The following ZNRF3 variants were observed in gnomAD, a reference collection of about 807,000 sequenced individuals.
The protein encoded by ZNRF3 is zinc and ring finger 3.
In ZNRF3, 23 loss-of-function variants were observed where a neutral mutation model predicts 72.5. That is an observed-to-expected ratio of 0.32 (90% CI 0.23 to 0.45). The LOEUF is 0.45. Ranked by LOEUF, ZNRF3 falls within the 20% of genes least tolerant of loss-of-function variation. The pLI, the probability that ZNRF3 is intolerant of heterozygous loss-of-function variation, is 1.00. For synonymous variants in ZNRF3, 610 were observed against 545.3 expected (o/e 1.12, Z -1.65); for missense variants, 1,169 against 1,272.1 (o/e 0.92, Z 1.23).
At chr22:28,970,293 A>T (rs1270406487) in intron 1 of ZNRF3, among the ~76,000 whole-genome samples, 1 of 152,234 alleles carries the variant, frequency 6.6e-6, no homozygotes, top group Non-Finnish European at 1.5e-5. Context: ...GGCATCAGTA[A>T]ATGCAAAATA....
At chr22:29,020,413 A>G (rs1487050029) in intron 2 of ZNRF3, among the ~76,000 whole-genome samples, 1 of 151,746 alleles carries the variant, frequency 6.6e-6, no homozygotes, top group African/African-American at 2.4e-5. Flanking sequence ...GGTGCATGCC[A>G]CCATGCCCAG....
intron 2 of ZNRF3, among the ~76,000 whole-genome samples, chr22:29,017,680 A>G (rs143255731): frequency 2.0e-5 from 3 of 152,186 alleles, no homozygotes; most frequent in Non-Finnish European, 4.4e-5. Context: ...GGAAGGGGTT[A>G]TGGTGGGAGG....
At chr22:28,908,642 C>T (rs2034257704) in intron 1 of ZNRF3, among the ~76,000 whole-genome samples, 1 of 152,168 alleles carries the variant, frequency 6.6e-6, no homozygotes, top group Non-Finnish European at 1.5e-5. Flanking sequence ...GAAGCAAAAT[C>T]CATTCTGCAT....
intron 1 of ZNRF3, among the ~76,000 whole-genome samples, chr22:28,945,906 G>A (rs2035045528): frequency 6.6e-6 from 1 of 152,146 alleles, no homozygotes; most frequent in South Asian, 2.1e-4. Context: ...TGTCTCTTTG[G>A]TAATGGGATT....
chr22:28,913,421 G>A (rs1399872885), intron 1 of ZNRF3, among the ~76,000 whole-genome samples: 1 of 152,130 alleles, frequency 6.6e-6, no homozygotes, highest in Non-Finnish European at 1.5e-5. Flanking sequence ...ATGGAGTGGC[G>A]GGTAGCCAGT....
chr22:28,985,318 A>G (rs2035837074), intron 1 of ZNRF3, among the ~76,000 whole-genome samples: 1 of 151,758 alleles, frequency 6.6e-6, no homozygotes. Flanking sequence ...TACTCATCAG[A>G]CTGGATGCAT....
chr22:28,949,211 C>T (rs1242091469), intron 1 of ZNRF3, among the ~76,000 whole-genome samples: 1 of 152,056 alleles, frequency 6.6e-6, no homozygotes, highest in African/African-American at 2.4e-5. Context: ...CTCCTGACCT[C>T]AGGTGATCCA....
intron 1 of ZNRF3, among the ~76,000 whole-genome samples, chr22:28,905,905 G>A (rs746960333): frequency 6.6e-6 from 1 of 152,174 alleles, no homozygotes; most frequent in Admixed American, 6.5e-5. Context: ...GTGCAGAGAG[G>A]TTTATACAGC....
chr22:28,885,009 C>T (rs2123738940), intron 1 of ZNRF3, among the ~76,000 whole-genome samples: 1 of 152,228 alleles, frequency 6.6e-6, no homozygotes, highest in East Asian at 1.9e-4. Context: ...ATGCGCGCCT[C>T]GGATGGGGGC....
In ZNRF3 at chr22:29,049,216, C is replaced by T. The variant is rs747630385; in HGVS notation, c.1035C>T (p.Ser345=). The T allele has an allele frequency of 3.7e-6, 6 of 1,604,162 alleles. No individual in the cohort carries two copies. The highest frequency in any genetic ancestry group is 5.1e-6 in the Non-Finnish European group (6 of 1,174,498). Residue 345 remains serine (S), a synonymous_variant, in exon 8 of 9, where the codon AGC becomes AGT. Coordinates refer to ENST00000544604, the MANE Select transcript of ZNRF3 (RefSeq NM_001206998.2). This position sits in a 1 kb window ranked among gnomAD's most constrained non-coding sequence, Gnocchi z 5.2. The stretch of plus-strand genomic sequence containing the variant: ...CTCCAGAACAAAAGGGAAACCCAAG[C>T]GCGGTGTGTGTGGAGACCAGCAACC... The part of the protein sequence containing the change: ...HNIIEQKGNP[S]AVCVETSNLS...
chr22:29,020,773 GT>G (rs2036522099), intron 2 of ZNRF3, among the ~76,000 whole-genome samples: 1 of 65,088 alleles, frequency 1.5e-5, no homozygotes, highest in Admixed American at 1.9e-4. Context: ...TTGTGTGTGT[GT>G]GGGTGTGTGT....
intron 1 of ZNRF3, among the ~76,000 whole-genome samples, chr22:28,893,433 C>T (rs946695521): frequency 7.3e-5 from 11 of 151,710 alleles, no homozygotes; most frequent in African/African-American, 2.7e-4. Context: ...TTTGAGGCTG[C>T]AGTGAGCCTT....
rs1043374741 is a variant in ZNRF3, at chr22:29,055,958, G to C, written c.*2336G>C. The C allele has an allele frequency of 6.6e-6, 1 of 152,126 alleles. No individual in the cohort carries two copies. The allele number at this position is 152,126 out of a possible 1,614,324, so 9.4% of individuals were successfully genotyped here. ...ATGAGTAGAGAATGTGGCTTCAACTGGGCTTATTAAAGTAAGTGTGTCTAG... is the reference window on the plus strand; with the variant it reads ...ATGAGTAGAGAATGTGGCTTCAACTCGGCTTATTAAAGTAAGTGTGTCTAG... On this transcript the variant is annotated 3_prime_UTR_variant, in exon 9 of 9. Transcript: ENST00000544604.
chr22:28,901,932 C>CA (rs1445122928), intron 1 of ZNRF3, among the ~76,000 whole-genome samples: 1 of 112,980 alleles, frequency 8.9e-6, no homozygotes, highest in Non-Finnish European at 1.8e-5. Flanking sequence ...TTTAAGTTAA[C>CA]TTTTTTTTTT....
At chr22:28,910,888 G>C (rs1324923282) in intron 1 of ZNRF3, among the ~76,000 whole-genome samples, 2 of 152,236 alleles carry the variant, frequency 1.3e-5, no homozygotes, top group Non-Finnish European at 2.9e-5. Context: ...ACCCAGGCTA[G>C]GCTGGCAACT....
intron 1 of ZNRF3, among the ~76,000 whole-genome samples, chr22:28,948,292 G>A (rs567914358): frequency 3.1e-4 from 47 of 152,272 alleles, no homozygotes; most frequent in African/African-American, 1.1e-3. Flanking sequence ...AGCCTCCCAA[G>A]TAGCTGGGAC....
chr22:28,983,742 A>G (rs117939691), intron 1 of ZNRF3, among the ~76,000 whole-genome samples: 1,855 of 152,296 alleles, frequency 0.012, 41 homozygotes, highest in East Asian at 0.055. Context: ...GCATCTCTCA[A>G]CGTGTGTCCC....
intron 2 of ZNRF3, among the ~76,000 whole-genome samples, chr22:29,000,750 C>T (rs2036127127): frequency 6.6e-6 from 1 of 152,152 alleles, no homozygotes; most frequent in Admixed American, 6.6e-5. Flanking sequence ...CCTCAGGAAG[C>T]TTACAATCAC....
chr22:28,990,835 T>G (rs540233010), intron 2 of ZNRF3, among the ~76,000 whole-genome samples: 2 of 152,242 alleles, frequency 1.3e-5, no homozygotes, highest in South Asian at 4.1e-4. Context: ...TTGACTTTAA[T>G]AGCTTTACCT....
Sources: gnomAD v4.1 joint callset for allele counts (sites outside exome capture counted in the v4.1 genomes callset) on GRCh38, gnomAD v4.1.1 for gene constraint, Gnocchi (gnomAD v3.1) non-coding constraint, MANE v1.5 for transcripts, NCBI Gene and HGNC (gene_info 2026-07-23, HGNC 2026-07-21) for gene names.